NCOA2: variants seen among roughly 807,000 people sequenced by gnomAD.
NCOA2 encodes class E basic helix-loop-helix protein 75.
In NCOA2, 21 loss-of-function variants were observed where a neutral mutation model predicts 145.1. That is an observed-to-expected ratio of 0.14 (90% CI 0.10 to 0.21). The LOEUF (loss-of-function observed/expected upper bound fraction) is 0.21. Among genes scored for constraint, NCOA2 ranks in the 10% least tolerant of loss-of-function variants. NCOA2 has a pLI of 1.00. For missense variants in NCOA2, 1,472 were observed against 1,837.6 expected, an observed-to-expected ratio of 0.80 and a Z score of 3.64; for synonymous variants, 619 against 637.5, an observed-to-expected ratio of 0.97 and a Z score of 0.44.
chr8:70,211,523 T>G (rs1278776623), intron 4 of NCOA2, among the ~76,000 whole-genome samples: 1 of 151,976 alleles, frequency 6.6e-6, no homozygotes, highest in African/African-American at 2.4e-5. Context: ...CTACTGAACA[T>G]CTACTATGAC....
intron 2 of NCOA2, among the ~76,000 whole-genome samples, chr8:70,230,753 AAAG>A (rs1201838259): frequency 6.6e-6 from 1 of 152,252 alleles, no homozygotes; most frequent in Non-Finnish European, 1.5e-5. Context: ...CAAAAACACA[AAAG>A]AATAGAATAG....
chr8:70,442,938 T>C, the NCOA2 span, among the ~76,000 whole-genome samples: 1 of 152,182 alleles, frequency 6.6e-6, no homozygotes, highest in South Asian at 2.1e-4. Context: ...TGATATTGAC[T>C]CAGAATTAGA....
At chr8:70,231,189 G>A (rs976778324) in intron 2 of NCOA2, among the ~76,000 whole-genome samples, 9 of 152,174 alleles carry the variant, frequency 5.9e-5, no homozygotes, top group African/African-American at 2.2e-4. Flanking sequence ...CAGAGTATGC[G>A]AGTTCCCTTC....
chr8:70,174,158 G>A (rs1004041565), intron 5 of NCOA2, among the ~76,000 whole-genome samples: 2 of 152,120 alleles, frequency 1.3e-5, no homozygotes, highest in Non-Finnish European at 2.9e-5. Context: ...TTTAGTACTA[G>A]TTAATAAAAT....
chr8:70,403,855 C>T (rs1814623066), upstream of NCOA2: 2 of 384,858 alleles, frequency 5.2e-6, no homozygotes, highest in Admixed American at 4.5e-5. Flanking sequence ...CTCCCTCCTC[C>T]TCCTCCTCCT....
At chr8:70,277,642 C>A (rs1217557054) in intron 2 of NCOA2, among the ~76,000 whole-genome samples, 2 of 152,170 alleles carry the variant, frequency 1.3e-5, no homozygotes, top group South Asian at 4.1e-4. Flanking sequence ...AATGTTCCCA[C>A]AAATGCTATT....
At chr8:70,172,857 G>GTT (rs982100782) in intron 5 of NCOA2, among the ~76,000 whole-genome samples, 1 of 151,888 alleles carries the variant, frequency 6.6e-6, no homozygotes, top group East Asian at 1.9e-4. Context: ...ATAAAGCTGT[G>GTT]TTTTTTTTAA....
Position 70,157,176 on chromosome 8 carries a change from G to A in NCOA2, c.1189C>T (p.Pro397Ser). ...TGQTMGKPLN[P>S]ISSNSPAHQA... The stretch of plus-strand genomic sequence containing the variant: ...TGGGCAGGGCTGTTAGAGCTAATTG[G>A]ATTCAGTGGCTTCCCCATCGTTTGT... Residue 397 changes from proline (P) to serine (S), a missense_variant, in exon 11 of 23, where the codon CCA (proline) becomes TCA (serine). Pro to Ser is a moderately conservative substitution (Grantham distance 74). Transcript: ENST00000452400. 6.3e-7 allele frequency: 1 copy of A among 1,599,578 alleles called. No homozygotes were observed. Among genetic ancestry groups the A allele is most frequent in the Non-Finnish European group, 8.5e-7 (1 of 1,170,318 alleles).
chr8:70,180,348 C>T (rs923925936), intron 4 of NCOA2, among the ~76,000 whole-genome samples: 3 of 152,148 alleles, frequency 2.0e-5, no homozygotes, highest in African/African-American at 4.8e-5. Flanking sequence ...GCTGCTTGAA[C>T]AGCAATCCCT....
At chr8:70,180,038 C>T (rs1815298674) in intron 4 of NCOA2, among the ~76,000 whole-genome samples, 1 of 152,198 alleles carries the variant, frequency 6.6e-6, no homozygotes, top group Non-Finnish European at 1.5e-5. Flanking sequence ...GCCTTGGCCT[C>T]CCAAAGTGCT....
chr8:70,287,902 T>C (rs969191328), intron 2 of NCOA2, among the ~76,000 whole-genome samples: 1 of 152,128 alleles, frequency 6.6e-6, no homozygotes, highest in African/African-American at 2.4e-5. Flanking sequence ...AATTACTAGT[T>C]AATTCTTTTT....
intron 1 of NCOA2, among the ~76,000 whole-genome samples, chr8:70,330,284 T>C (rs866517101): frequency 8.5e-5 from 13 of 152,076 alleles, no homozygotes; most frequent in South Asian, 2.1e-4. Context: ...TGGAATAATG[T>C]ATGAGCTCGG....
chr8:70,360,884 G>A (rs1222151763), intron 1 of NCOA2, among the ~76,000 whole-genome samples: 1 of 148,038 alleles, frequency 6.8e-6, no homozygotes, highest in African/African-American at 2.5e-5. Context: ...ATTACAGTGA[G>A]CCAAGATCAC....
the NCOA2 span, among the ~76,000 whole-genome samples, chr8:70,436,625 A>G: frequency 6.6e-6 from 1 of 152,232 alleles, no homozygotes; most frequent in Non-Finnish European, 1.5e-5. Flanking sequence ...ACTCCATAGA[A>G]CTACTAAAGG....
At position 70,304,570 on chromosome 8, in the gene NCOA2, A is replaced by G. The variant is rs117813985; in HGVS notation, c.-76-7770T>C. On this transcript the variant is annotated intron_variant, in intron 1 of 22. Transcript: ENST00000452400. The stretch of plus-strand genomic sequence containing the variant: ...CAACACCTGCCTCCCAGGTTCAAGC[A>G]ATTCTCTGCTTCAGCCTCCTGAGTG... Among the ~76,000 whole-genome samples, 253 of 151,930 alleles carry G rather than the reference A, an allele frequency of 1.7e-3. 10 individuals carry two copies. In the East Asian group the frequency reaches 0.042, roughly 25 times the overall value.
At chr8:70,150,456 C>T (rs986442035) in intron 11 of NCOA2, among the ~76,000 whole-genome samples, 5 of 152,120 alleles carry the variant, frequency 3.3e-5, no homozygotes, top group African/African-American at 1.2e-4. Flanking sequence ...ATTTAAAAAG[C>T]CCATAGGTAC....
the NCOA2 span, among the ~76,000 whole-genome samples, chr8:70,447,209 A>G: frequency 6.6e-6 from 1 of 152,280 alleles, no homozygotes; most frequent in Non-Finnish European, 1.5e-5. Context: ...AGTGGGCTAG[A>G]GCATTCCAAA....
chr8:70,381,428 G>A (rs1812182499), intron 1 of NCOA2, among the ~76,000 whole-genome samples: 1 of 152,104 alleles, frequency 6.6e-6, no homozygotes, highest in South Asian at 2.1e-4. Context: ...TTAAAGTGAA[G>A]GCAGTAGTGC....
At chr8:70,280,250 T>C (rs1825776368) in intron 2 of NCOA2, among the ~76,000 whole-genome samples, 1 of 152,122 alleles carries the variant, frequency 6.6e-6, no homozygotes, top group Non-Finnish European at 1.5e-5. Flanking sequence ...ACAATGAAGG[T>C]AGGCTGCCAG....
Sources: gnomAD v4.1 joint callset for allele counts (sites outside exome capture counted in the v4.1 genomes callset) on GRCh38, gnomAD v4.1.1 for gene constraint, MANE v1.5 for transcripts, NCBI Gene and HGNC (gene_info 2026-07-23, HGNC 2026-07-21) for gene names.